TBKBP1: variants seen among roughly 807,000 people sequenced by gnomAD.
TBKBP1 encodes TBK1 binding protein 1.
In TBKBP1, 47 loss-of-function variants were observed where a neutral mutation model predicts 69.9. The ratio of observed to expected loss-of-function variants is 0.67; its 90% CI spans 0.53 to 0.86. TBKBP1 has a LOEUF of 0.86. Ranked by LOEUF, TBKBP1 falls within the 40% of genes least tolerant of loss-of-function variation. The pLI, the probability that TBKBP1 is intolerant of heterozygous loss-of-function variation, is 0.00. For missense variants in TBKBP1, 831 were observed against 858.6 expected, an observed-to-expected ratio of 0.97 and a Z score of 0.40; for synonymous variants, 418 against 390.3, an observed-to-expected ratio of 1.07 and a Z score of -0.84.
In TBKBP1 at chr17:47,699,427, G is replaced by A. The variant is rs776902110; in HGVS notation, c.742G>A (p.Glu248Lys). ...GGCCCGGGGGGCTCAGCTCCGGGAGGAGCAGCTCCAGGCCGAGTGCGAGCG... is the reference window on the plus strand; with the variant it reads ...GGCCCGGGGGGCTCAGCTCCGGGAGAAGCAGCTCCAGGCCGAGTGCGAGCG... Reference protein sequence around the residue: ...GEARGAQLREEQLQAECERLQ... With the variant: ...GEARGAQLREKQLQAECERLQ... Residue 248 changes from glutamate (E) to lysine (K), a missense_variant, in exon 6 of 10, where the codon GAG becomes AAG. Physicochemically the swap from Glu to Lys is moderately conservative, Grantham distance 56 (BLOSUM62 1). Transcript: ENST00000578982. 9 of 1,570,372 alleles carry A rather than the reference G, an allele frequency of 5.7e-6. No individual in the cohort carries two copies. In the South Asian group the frequency reaches 1.0e-4, roughly 18 times the overall value.
chr17:47,700,990 G>T (rs1461454454), intron 7 of TBKBP1, among the ~76,000 whole-genome samples: 1 of 152,132 alleles, frequency 6.6e-6, no homozygotes, highest in African/African-American at 2.4e-5. Flanking sequence ...GAGCTGTGTG[G>T]CACAGACTCC....
chr17:47,697,033 A>T (rs2031275661), intron 3 of TBKBP1, 56 bp from the exon 4 acceptor site: 1 of 1,556,470 alleles, frequency 6.4e-7, no homozygotes, highest in Admixed American at 1.9e-5. Context: ...GAGCTCTCCA[A>T]CTCCAAGTCC....
At chr17:47,707,113 C>G (rs1471802842) in intron 7 of TBKBP1, among the ~76,000 whole-genome samples, 2 of 152,346 alleles carry the variant, frequency 1.3e-5, no homozygotes, top group East Asian at 3.9e-4. Context: ...CCTTCTGGAG[C>G]TGGAGGTGGG....
At chr17:47,699,822 T>TTC in intron 7 of TBKBP1, 125 bp downstream of exon 7, 3 of 1,095,508 alleles carry the variant, frequency 2.7e-6, no homozygotes, top group Non-Finnish European at 4.0e-6. Flanking sequence ...GGAGGTGGGG[T>TTC]TCTTTTTTTT....
chr17:47,709,428 C>G lies in TBKBP1; in HGVS notation c.1695C>G (p.His565Gln). ...PAATAYAHAE[H>Q]AQSWPSINLL... ...CCACCGCCTACGCCCACGCCGAGCA[C>G]GCGCAGTCCTGGCCGTCCATCAACG... The change falls in exon 9 of 10, where the codon CAC (histidine) becomes CAG (glutamine). Residue 565 changes from histidine (H) to glutamine (Q), a missense_variant. Physicochemically the swap from His to Gln is conservative, Grantham distance 24. Transcript: ENST00000578982. 6.5e-7 allele frequency: 1 copy of G among 1,540,804 alleles called. No homozygotes were observed. Among genetic ancestry groups the G allele is most frequent in the Non-Finnish European group, 8.7e-7 (1 of 1,151,962 alleles).
chr17:47,705,682 T>C (rs925110000), intron 7 of TBKBP1, among the ~76,000 whole-genome samples: 5 of 152,356 alleles, frequency 3.3e-5, no homozygotes, highest in East Asian at 3.9e-4. Flanking sequence ...GATTTTTTTT[T>C]CCACTGAATT....
chr17:47,701,303 G>A (rs576529219), intron 7 of TBKBP1, among the ~76,000 whole-genome samples: 49 of 152,120 alleles, frequency 3.2e-4, no homozygotes, highest in African/African-American at 1.1e-3. Context: ...GCTGGAGCTT[G>A]GGGCCCATCA....
In TBKBP1 at chr17:47,698,594, G is replaced by T; in HGVS notation, c.454-1G>T. ...ACCCTCCCCTCTGTCTCTCTCTCCA[G>T]AGGGCCCTGGTGGAGACGCACCTGC... On this transcript the variant is annotated splice_acceptor_variant, in intron 4 of 9. Transcript: ENST00000578982. LOFTEE classifies it high-confidence loss of function. The T allele has an allele frequency of 6.3e-7, 1 of 1,585,448 alleles. No homozygotes were observed. Among genetic ancestry groups the T allele is most frequent in the Non-Finnish European group, 8.6e-7 (1 of 1,165,884 alleles).
intron 4 of TBKBP1, among the ~76,000 whole-genome samples, chr17:47,698,150 A>G (rs1318174828): frequency 6.6e-6 from 1 of 152,016 alleles, no homozygotes. Flanking sequence ...TTTATGTGGC[A>G]CTCGGGGTGT....
At chr17:47,696,579 T>C in intron 2 of TBKBP1, 132 bp from the exon 3 acceptor site, 2 of 1,412,934 alleles carry the variant, frequency 1.4e-6, no homozygotes, top group Non-Finnish European at 1.9e-6. Flanking sequence ...CCCATGGGAA[T>C]TGGGATCCCA....
In TBKBP1 at chr17:47,708,281, G is replaced by A. The variant is rs1302255815; in HGVS notation, c.873-113G>A. On this transcript the variant is annotated intron_variant, in intron 7 of 9. Transcript: ENST00000578982. The surrounding 1 kb of genome is among the most constrained non-coding windows in gnomAD (Gnocchi z 4.4). ...GCAATTGGGGTAGGAGGGCCCTGCG[G>A]GTGGGAGGGAGCATGGTGGGGCCAG... The A allele has an allele frequency of 4.5e-6, 5 of 1,118,740 alleles. No homozygotes were observed. The East Asian group carries it at 1.3e-4, about 29-fold the overall frequency. 69.3% of individuals were successfully genotyped at this position (1,118,740 alleles called of 1,614,324 possible).
chr17:47,709,917 T>G (rs2031862942), intron 9 of TBKBP1, among the ~76,000 whole-genome samples: 1 of 152,246 alleles, frequency 6.6e-6, no homozygotes, highest in Admixed American at 6.5e-5. Flanking sequence ...TTATATTGGC[T>G]GTGGTGATGG....
At chr17:47,704,009 C>T (rs968763467) in intron 7 of TBKBP1, among the ~76,000 whole-genome samples, 4 of 152,088 alleles carry the variant, frequency 2.6e-5, no homozygotes, top group African/African-American at 9.7e-5. Context: ...GAGGGGCAAC[C>T]GTGTGATTTG....
At chr17:47,706,865 A>ACG (rs2031718565) in intron 7 of TBKBP1, among the ~76,000 whole-genome samples, 1 of 151,058 alleles carries the variant, frequency 6.6e-6, no homozygotes, top group African/African-American at 2.5e-5. Context: ...ACACACACAC[A>ACG]CACACGCACA....
intron 7 of TBKBP1, among the ~76,000 whole-genome samples, chr17:47,705,024 G>C (rs1242875966): frequency 1.3e-5 from 2 of 152,062 alleles, no homozygotes; most frequent in Non-Finnish European, 2.9e-5. Flanking sequence ...CCTCTTAATC[G>C]CCCTGATTTT....
Position 47,710,503 on chromosome 17 carries a change from G to T in TBKBP1, c.1725G>T (p.Leu575=). ...ACTTCCTTCTCTCTCGACAGTTGCT[G>T]ATGGAGACGGTGGGCTCCGACATCC... ...HAQSWPSINL[L]METVGSDIRS... is the part of the protein sequence containing the mutation. The change falls in exon 10 of 10, where the codon CTG becomes CTT. Residue 575 remains leucine, a synonymous_variant. Transcript: ENST00000578982. 1 of 1,609,564 alleles carries T rather than the reference G, an allele frequency of 6.2e-7. No individual in the cohort carries two copies.
chr17:47,697,705 G>A (rs1290730515), intron 4 of TBKBP1, among the ~76,000 whole-genome samples: 4 of 152,048 alleles, frequency 2.6e-5, no homozygotes, highest in Non-Finnish European at 4.4e-5. Flanking sequence ...GGTGGCTCAC[G>A]CCTATAATCT....
chr17:47,710,361 T>C, intron 9 of TBKBP1, 137 bp from the exon 10 acceptor site: 1 of 1,170,996 alleles, frequency 8.5e-7, no homozygotes, highest in Non-Finnish European at 1.2e-6. Context: ...GGGAGGACGG[T>C]GCTGAAGAAA....
intron 7 of TBKBP1, among the ~76,000 whole-genome samples, chr17:47,705,673 A>AT (rs923186456): frequency 6.6e-5 from 10 of 151,638 alleles, no homozygotes; most frequent in African/African-American, 1.9e-4. Flanking sequence ...TGAAGTTGAG[A>AT]TTTTTTTTTC....
Sources: allele counts gnomAD v4.1 joint callset (sites outside exome capture counted in the v4.1 genomes callset), GRCh38; gene constraint gnomAD v4.1.1; non-coding constraint Gnocchi (gnomAD v3.1); transcripts MANE v1.5; gene names NCBI Gene and HGNC (gene_info 2026-07-23, HGNC 2026-07-21).